ANK3: variants seen among roughly 807,000 people sequenced by gnomAD.
The protein encoded by ANK3 is ankyrin-3.
In ANK3, 57 loss-of-function variants were observed where a neutral mutation model predicts 370.9. That is an observed-to-expected ratio of 0.15 (90% CI 0.12 to 0.19). The LOEUF (loss-of-function observed/expected upper bound fraction) is 0.19. Among genes scored for constraint, ANK3 ranks in the 10% least tolerant of loss-of-function variants. The pLI is 1.00. For missense variants in ANK3, 4,439 were observed against 5,302.1 expected (o/e 0.84, Z 5.06); for synonymous variants, 1,929 against 1,946.3 (o/e 0.99, Z 0.23).
At chr10:60,204,854 A>C (rs979956378) in intron 11 of ANK3, among the ~76,000 whole-genome samples, 5 of 152,160 alleles carry the variant, frequency 3.3e-5, no homozygotes, top group Admixed American at 2.0e-4. Context: ...CATGTAGTCC[A>C]GGCTGGGGAG....
chr10:60,461,117 C>T (rs2064873296), intron 2 of ANK3, among the ~76,000 whole-genome samples: 1 of 152,138 alleles, frequency 6.6e-6, no homozygotes, highest in South Asian at 2.1e-4. Context: ...TTATCATATG[C>T]TCTCTCTCAG....
chr10:60,628,923 T>C (rs1286906297), intron 1 of ANK3, among the ~76,000 whole-genome samples: 1 of 152,214 alleles, frequency 6.6e-6, no homozygotes, highest in Non-Finnish European at 1.5e-5. Flanking sequence ...GGATTGAATA[T>C]ATCAAAATGT....
chr10:60,168,328 T>C (rs992797239), intron 21 of ANK3, among the ~76,000 whole-genome samples: 1 of 152,190 alleles, frequency 6.6e-6, no homozygotes, highest in Non-Finnish European at 1.5e-5. Context: ...GCCTGGCCTA[T>C]TATTAAAATC....
Position 60,294,159 on chromosome 10 carries a change from GT to G in ANK3, c.115-14521del, listed in dbSNP as rs11398125. Among the ~76,000 whole-genome samples the G allele has an allele frequency of 2.4e-3, 362 of 148,828 alleles. 5 individuals carry two copies. The East Asian group carries it at 0.025, about 10-fold the overall frequency. On this transcript the variant is annotated intron_variant, in intron 1 of 43. Transcript: ENST00000280772. ...TGAATAGATGAACATTTTCCCAACA[GT>G]TTTTTTTTTAGACCAGGAAATAAAC...
intron 40 of ANK3, 123 bp downstream of exon 40, chr10:60,062,988 G>T: frequency 9.9e-7 from 1 of 1,007,590 alleles, no homozygotes; most frequent in East Asian, 2.6e-5. Flanking sequence ...GACTCTGGCA[G>T]AGAAAATGAG....
chr10:60,192,387 T>G (rs982335015), intron 16 of ANK3, among the ~76,000 whole-genome samples: 2 of 150,598 alleles, frequency 1.3e-5, no homozygotes, highest in African/African-American at 4.9e-5. Context: ...AAGTCTTGTT[T>G]GACAAATATA....
At chr10:60,448,649 C>A (rs542057611) in intron 2 of ANK3, among the ~76,000 whole-genome samples, 1 of 152,208 alleles carries the variant, frequency 6.6e-6, no homozygotes, top group African/African-American at 2.4e-5. Context: ...CAGTTTAGAG[C>A]GACTCCCCAG....
intron 2 of ANK3, among the ~76,000 whole-genome samples, chr10:60,479,477 T>C (rs1006630870): frequency 5.3e-5 from 8 of 152,140 alleles, no homozygotes; most frequent in Admixed American, 3.9e-4. Context: ...CCTAGCTGCA[T>C]TTCTCAGTAC....
At chr10:60,094,994 C>A (rs1238247486) in intron 28 of ANK3, among the ~76,000 whole-genome samples, 1 of 152,184 alleles carries the variant, frequency 6.6e-6, no homozygotes, top group Non-Finnish European at 1.5e-5. Context: ...ACGAAATCCC[C>A]AGACAGCTGG....
chr10:60,449,186 T>C (rs1240578690), intron 2 of ANK3, among the ~76,000 whole-genome samples: 1 of 152,234 alleles, frequency 6.6e-6, no homozygotes, highest in East Asian at 1.9e-4. Flanking sequence ...TCTATATTTC[T>C]ATGAAAATAT....
At chr10:60,671,471 C>T (rs1192189424) in intron 1 of ANK3, among the ~76,000 whole-genome samples, 7 of 152,244 alleles carry the variant, frequency 4.6e-5, no homozygotes, top group African/African-American at 1.7e-4. Flanking sequence ...CCCATTTACA[C>T]TCTAATTCAG....
intron 2 of ANK3, among the ~76,000 whole-genome samples, chr10:60,549,554 C>T (rs889164907): frequency 6.6e-6 from 1 of 152,084 alleles, no homozygotes; most frequent in Non-Finnish European, 1.5e-5. Context: ...GTGCTTATAA[C>T]ATATTTTAAC....
chr10:60,283,728 G>A (rs747687782), intron 1 of ANK3, among the ~76,000 whole-genome samples: 10 of 152,074 alleles, frequency 6.6e-5, no homozygotes, highest in East Asian at 1.9e-4. Flanking sequence ...CATCTTTACC[G>A]GCAGTGGAAT....
chr10:60,272,626 T>C (rs2098014930), intron 4 of ANK3, among the ~76,000 whole-genome samples: 1 of 152,028 alleles, frequency 6.6e-6, no homozygotes, highest in Non-Finnish European at 1.5e-5. Context: ...ACTACAGGCA[T>C]GTGCCACCTC....
rs77582367 is a variant in ANK3 at position 60,268,400 on chromosome 10, C to T, written c.513+1731G>A. ...ATCTACTATGGACATTTTCCTATAT[C>T]AGTACATAGAGCCTTGCCTCGTTTT... On this transcript the variant is annotated intron_variant, in intron 5 of 43. Coordinates refer to ENST00000280772, the MANE Select transcript of ANK3 (RefSeq NM_020987.5). Among the ~76,000 whole-genome samples the T allele has an allele frequency of 8.9e-3, 1,350 of 152,238 alleles. 22 individuals are homozygous for T. Among genetic ancestry groups the T allele is most frequent in the African/African-American group, 0.031 (1,298 of 41,542 alleles).
At chr10:60,568,372 T>A (rs1360624765) in intron 2 of ANK3, among the ~76,000 whole-genome samples, 1 of 152,216 alleles carries the variant, frequency 6.6e-6, no homozygotes, top group Non-Finnish European at 1.5e-5. Flanking sequence ...AAAGTTCAAG[T>A]ATGTGCATTG....
chr10:60,618,741 A>G (rs1253487631), intron 1 of ANK3, among the ~76,000 whole-genome samples: 1 of 152,116 alleles, frequency 6.6e-6, no homozygotes, highest in Non-Finnish European at 1.5e-5. Context: ...CCAAGTATAA[A>G]TAAGATTTGG....
At chr10:60,392,546 T>C (rs919139658), upstream of ANK3, among the ~76,000 whole-genome samples, 4 of 152,198 alleles carry the variant, frequency 2.6e-5, no homozygotes, top group Non-Finnish European at 5.9e-5. Context: ...ACTTCTCCAG[T>C]CCTACTACTT....
chr10:60,551,236 A>G (rs2077081402), intron 2 of ANK3, among the ~76,000 whole-genome samples: 1 of 152,192 alleles, frequency 6.6e-6, no homozygotes. Context: ...GGCATGGTCA[A>G]TACATTCAAT....
Sources: gnomAD v4.1 joint callset for allele counts (sites outside exome capture counted in the v4.1 genomes callset) on GRCh38, gnomAD v4.1.1 for gene constraint, MANE v1.5 for transcripts, NCBI Gene and HGNC (gene_info 2026-07-23, HGNC 2026-07-21) for gene names.